TSPAN5: variants seen among roughly 807,000 people sequenced by gnomAD.
TSPAN5 encodes the protein tetraspanin-5.
TSPAN5 carries 10 observed loss-of-function variants against 37.1 expected under a neutral mutation model. The ratio of observed to expected loss-of-function variants is 0.27; its 90% CI spans 0.17 to 0.46. TSPAN5 has a LOEUF of 0.46. TSPAN5 is among the 20% of genes least tolerant of loss of function. TSPAN5 has a pLI of 1.00. For synonymous variants in TSPAN5, 110 were observed against 118.9 expected (o/e 0.93, Z 0.48); for missense variants, 195 against 326.6 (o/e 0.60, Z 3.11).
intron 1 of TSPAN5, among the ~76,000 whole-genome samples, chr4:98,576,793 T>C (rs1427186989): frequency 6.6e-6 from 1 of 152,216 alleles, no homozygotes; most frequent in Non-Finnish European, 1.5e-5. Context: ...AGTGTCTTGC[T>C]CTGTCGCCCA....
intron 2 of TSPAN5, among the ~76,000 whole-genome samples, chr4:98,497,331 A>G (rs900552025): frequency 2.6e-5 from 4 of 151,614 alleles, no homozygotes; most frequent in Admixed American, 6.6e-5. Flanking sequence ...AAAAAAAAAA[A>G]AAAAGAAAAG....
At chr4:98,653,489 A>C (rs916640011) in intron 1 of TSPAN5, among the ~76,000 whole-genome samples, 3 of 152,146 alleles carry the variant, frequency 2.0e-5, no homozygotes, top group African/African-American at 7.2e-5. Context: ...AAATCATTCC[A>C]CCGTTTCCAT....
chr4:98,563,924 C>A (rs1194750061), intron 1 of TSPAN5, among the ~76,000 whole-genome samples: 6 of 152,136 alleles, frequency 3.9e-5, no homozygotes, highest in Admixed American at 2.0e-4. Flanking sequence ...ACAGTCCCCA[C>A]CACAAAGAAT....
At chr4:98,478,912 T>C in intron 4 of TSPAN5, 102 bp from the exon 5 acceptor site, 1 of 1,416,938 alleles carries the variant, frequency 7.1e-7, no homozygotes, top group Non-Finnish European at 9.7e-7. Context: ...GCTCTGACCT[T>C]CTTTTCTGTC....
intron 3 of TSPAN5, 170 bp from the exon 4 acceptor site, chr4:98,482,345 G>C (rs1199663221): frequency 3.6e-6 from 2 of 555,048 alleles, no homozygotes; most frequent in Admixed American, 3.7e-5. Context: ...TACACTCCAA[G>C]AAAGGACTTT....
intron 1 of TSPAN5, among the ~76,000 whole-genome samples, chr4:98,547,930 T>C (rs558575283): frequency 1.4e-5 from 2 of 143,722 alleles, no homozygotes; most frequent in South Asian, 4.4e-4. Context: ...CCTTGAACCC[T>C]GGAGGTAGAG....
At chr4:98,491,549 G>A (rs1014915074) in intron 2 of TSPAN5, among the ~76,000 whole-genome samples, 2 of 152,086 alleles carry the variant, frequency 1.3e-5, no homozygotes, top group Admixed American at 6.6e-5. Flanking sequence ...TGAGCTGCAC[G>A]TGGTGGTACC....
chr4:98,655,263 T>C (rs1193485080), intron 1 of TSPAN5, among the ~76,000 whole-genome samples: 1 of 152,140 alleles, frequency 6.6e-6, no homozygotes, highest in Non-Finnish European at 1.5e-5. Context: ...TAACAGAAAA[T>C]GTCTATAATT....
intron 1 of TSPAN5, among the ~76,000 whole-genome samples, chr4:98,533,420 G>A (rs1423390897): frequency 6.6e-6 from 1 of 151,734 alleles, no homozygotes; most frequent in East Asian, 1.9e-4. Context: ...CTTGTGGGGG[G>A]TGTTATGTGT....
chr4:98,658,212 G>A lies in TSPAN5; in HGVS notation c.15C>T (p.His5=). Residue 5 remains histidine, a synonymous_variant, in exon 1 of 8, where the codon CAC becomes CAT. Coordinates refer to ENST00000305798, the MANE Select transcript of TSPAN5 (RefSeq NM_005723.4). MSGK[H]YKGPEVSCCI... ...AACAACTGACTTCAGGACCCTTGTA[G>A]TGCTTCCCGGACATCCTCTGGGTTC... 1 of 1,614,110 alleles carries A rather than the reference G, an allele frequency of 6.2e-7. No individual in the cohort carries two copies. The highest frequency in any genetic ancestry group is 8.5e-7 in the Non-Finnish European group (1 of 1,179,942).
chr4:98,640,863 T>G (rs1756951081), intron 1 of TSPAN5, among the ~76,000 whole-genome samples: 1 of 152,184 alleles, frequency 6.6e-6, no homozygotes, highest in Non-Finnish European at 1.5e-5. Context: ...CCCTCAATTA[T>G]CACGTCAGCA....
intron 1 of TSPAN5, among the ~76,000 whole-genome samples, chr4:98,576,651 G>A (rs931613275): frequency 6.6e-6 from 1 of 152,176 alleles, no homozygotes; most frequent in African/African-American, 2.4e-5. Context: ...AGGAAGTCCA[G>A]GCTGCAGTGA....
intron 1 of TSPAN5, among the ~76,000 whole-genome samples, chr4:98,527,055 T>C (rs1354658955): frequency 6.6e-6 from 1 of 152,202 alleles, no homozygotes; most frequent in Non-Finnish European, 1.5e-5. Context: ...TAAAGCTTTA[T>C]TGACATCGAC....
At chr4:98,625,065 A>G (rs1208223086) in intron 1 of TSPAN5, among the ~76,000 whole-genome samples, 1 of 152,210 alleles carries the variant, frequency 6.6e-6, no homozygotes, top group African/African-American at 2.4e-5. Context: ...AATAATAGGA[A>G]AGGGAGGAGG....
intron 1 of TSPAN5, among the ~76,000 whole-genome samples, chr4:98,624,600 A>C (rs1756552585): frequency 6.6e-6 from 1 of 152,176 alleles, no homozygotes; most frequent in African/African-American, 2.4e-5. Context: ...AAGAGCAAAA[A>C]TTTTACAAAA....
At chr4:98,510,125 T>C (rs1157534395) in intron 1 of TSPAN5, among the ~76,000 whole-genome samples, 2 of 152,208 alleles carry the variant, frequency 1.3e-5, no homozygotes, top group Admixed American at 1.3e-4. Context: ...TCTTTAAAGC[T>C]TCACAACAAT....
chr4:98,635,337 A>T (rs769143752), intron 1 of TSPAN5, among the ~76,000 whole-genome samples: 1 of 152,180 alleles, frequency 6.6e-6, no homozygotes, highest in Non-Finnish European at 1.5e-5. Context: ...TTAGCACCAA[A>T]GAGGTCATGG....
intron 1 of TSPAN5, among the ~76,000 whole-genome samples, chr4:98,533,226 C>T (rs1315294313): frequency 6.6e-6 from 1 of 152,136 alleles, no homozygotes; most frequent in Non-Finnish European, 1.5e-5. Context: ...GGAGGATTCC[C>T]TCTTTTTCTA....
intron 1 of TSPAN5, among the ~76,000 whole-genome samples, chr4:98,631,476 CT>C (rs200902315): frequency 5.4e-5 from 8 of 149,008 alleles, no homozygotes; most frequent in Admixed American, 2.0e-4. Flanking sequence ...AGCACTCGAT[CT>C]TTTTTTTTTG....
Sources: allele counts gnomAD v4.1 joint callset (sites outside exome capture counted in the v4.1 genomes callset), GRCh38; gene constraint gnomAD v4.1.1; transcripts MANE v1.5; gene names NCBI Gene and HGNC (gene_info 2026-07-23, HGNC 2026-07-21).